KCNT2: variants seen among roughly 807,000 people sequenced by gnomAD.
KCNT2 encodes potassium channel subfamily T member 2.
In KCNT2, 67 loss-of-function variants were observed where a neutral mutation model predicts 153.8. The ratio of observed to expected loss-of-function variants is 0.44; its 90% CI spans 0.36 to 0.53. KCNT2 has a LOEUF of 0.53. Among genes scored for constraint, KCNT2 ranks in the 20% least tolerant of loss-of-function variants. KCNT2 has a pLI of 0.00. For missense variants in KCNT2, 975 were observed against 1,354.8 expected, an observed-to-expected ratio of 0.72 and a Z score of 4.40; for synonymous variants, 500 against 458.8, an observed-to-expected ratio of 1.09 and a Z score of -1.15.
intron 8 of KCNT2, among the ~76,000 whole-genome samples, chr1:196,458,511 A>G (rs1410444843): frequency 9.2e-5 from 14 of 151,948 alleles, no homozygotes; most frequent in Admixed American, 9.2e-4. Context: ...CTCTTATGTT[A>G]CCCTCTCAAA....
chr1:196,535,778 T>G (rs1172448168), intron 1 of KCNT2, among the ~76,000 whole-genome samples: 1 of 152,220 alleles, frequency 6.6e-6, no homozygotes, highest in Non-Finnish European at 1.5e-5. Flanking sequence ...ATATGTACAG[T>G]GTCAGCATGG....
At chr1:196,281,910 C>T (rs2147872199) in intron 24 of KCNT2, among the ~76,000 whole-genome samples, 1 of 151,920 alleles carries the variant, frequency 6.6e-6, no homozygotes, top group South Asian at 2.1e-4. Flanking sequence ...CCACCACACC[C>T]AGCTAATTTT....
intron 8 of KCNT2, among the ~76,000 whole-genome samples, chr1:196,439,656 A>G (rs745403728): frequency 5.9e-5 from 9 of 151,992 alleles, no homozygotes; most frequent in Non-Finnish European, 1.2e-4. Flanking sequence ...CCTTTTGGGC[A>G]TGCTGAATTT....
intron 5 of KCNT2, among the ~76,000 whole-genome samples, chr1:196,476,589 C>A (rs1166610132): frequency 6.6e-6 from 1 of 151,984 alleles, no homozygotes; most frequent in African/African-American, 2.4e-5. Context: ...TCTTTCATTT[C>A]TCTTCTCTAG....
intron 13 of KCNT2, among the ~76,000 whole-genome samples, chr1:196,383,597 G>T (rs533204065): frequency 2.6e-5 from 4 of 152,114 alleles, no homozygotes; most frequent in Non-Finnish European, 5.9e-5. Flanking sequence ...TACTTTATGG[G>T]CTGAACAGTA....
At chr1:196,289,591 CG>C (rs1660000348) in intron 22 of KCNT2, among the ~76,000 whole-genome samples, 1 of 152,100 alleles carries the variant, frequency 6.6e-6, no homozygotes, top group East Asian at 1.9e-4. Context: ...AACAAACGTT[CG>C]AGGTTCACTC....
rs1379096656 is a variant in KCNT2, at chr1:196,606,207, A to C, written c.95+2008T>G. Reference sequence around the variant, plus strand: ...GTAGACAGTATAATTCCCATTATAAAAAATAATATTGCTGAATCTCATAAT... The same window carrying C: ...GTAGACAGTATAATTCCCATTATAACAAATAATATTGCTGAATCTCATAAT... On this transcript the variant is annotated intron_variant, in intron 1 of 27. Transcript: ENST00000294725. 2.0e-5 allele frequency among the ~76,000 whole-genome samples: 3 copies of C among 152,274 alleles called. No homozygotes were observed. In the East Asian group the frequency reaches 5.8e-4, roughly 29 times the overall value.
chr1:196,313,517 T>C (rs1419958209), intron 21 of KCNT2, among the ~76,000 whole-genome samples: 2 of 151,582 alleles, frequency 1.3e-5, no homozygotes, highest in Admixed American at 6.6e-5. Flanking sequence ...TAACCACATC[T>C]GTAAAATGCA....
At chr1:196,595,331 T>C (rs566934846) in intron 1 of KCNT2, among the ~76,000 whole-genome samples, 67 of 152,200 alleles carry the variant, frequency 4.4e-4, no homozygotes, top group African/African-American at 1.6e-3. Flanking sequence ...ATAATGGTGA[T>C]AGACAAATTA....
chr1:196,492,546 A>C (rs987494569), intron 1 of KCNT2, among the ~76,000 whole-genome samples: 2 of 152,148 alleles, frequency 1.3e-5, no homozygotes, highest in African/African-American at 4.8e-5. Flanking sequence ...ACTGATTTAG[A>C]GAGAAGCAAT....
intron 1 of KCNT2, among the ~76,000 whole-genome samples, chr1:196,596,052 A>ATGTG (rs539625001): frequency 1.0e-4 from 1 of 9,804 alleles, no homozygotes; most frequent in African/African-American, 1.2e-4. Flanking sequence ...GTATTCCATG[A>ATGTG]TGTGTATATA....
chr1:196,271,007 T>C (rs904367645), intron 25 of KCNT2, among the ~76,000 whole-genome samples: 1 of 151,476 alleles, frequency 6.6e-6, no homozygotes, highest in South Asian at 2.1e-4. Flanking sequence ...TCCCCAACCA[T>C]ACACAAAAGA....
intron 1 of KCNT2, among the ~76,000 whole-genome samples, chr1:196,573,800 G>GT (rs1259584934): frequency 6.6e-6 from 1 of 151,902 alleles, no homozygotes; most frequent in African/African-American, 2.4e-5. Context: ...GATATAAAAT[G>GT]TTTTTTCCAC....
intron 1 of KCNT2, among the ~76,000 whole-genome samples, chr1:196,514,867 T>C (rs568011445): frequency 6.6e-6 from 1 of 152,312 alleles, no homozygotes; most frequent in East Asian, 1.9e-4. Flanking sequence ...TACCTTAACA[T>C]GGAGGTACCT....
intron 13 of KCNT2, among the ~76,000 whole-genome samples, chr1:196,383,454 T>C (rs1043787978): frequency 6.6e-6 from 1 of 152,164 alleles, no homozygotes; most frequent in Non-Finnish European, 1.5e-5. Flanking sequence ...TTGATAAAAG[T>C]CTGTGGAATG....
intron 1 of KCNT2, among the ~76,000 whole-genome samples, chr1:196,542,661 G>A (rs191492779): frequency 2.6e-5 from 4 of 152,188 alleles, no homozygotes; most frequent in Non-Finnish European, 4.4e-5. Context: ...CTTGGGAGGT[G>A]TTTTTAGGTC....
intron 10 of KCNT2, among the ~76,000 whole-genome samples, chr1:196,427,618 C>T (rs4480301): frequency 0.02 from 3,026 of 152,028 alleles, 100 homozygotes; most frequent in African/African-American, 0.069. Flanking sequence ...TATTGCTATA[C>T]ATATAGGATA....
At chr1:196,302,099 G>A (rs1373983423) in intron 22 of KCNT2, among the ~76,000 whole-genome samples, 1 of 152,074 alleles carries the variant, frequency 6.6e-6, no homozygotes, top group Non-Finnish European at 1.5e-5. Context: ...AAGGTGCAAG[G>A]GCATCTACTT....
intron 21 of KCNT2, among the ~76,000 whole-genome samples, chr1:196,305,558 G>T (rs756814795): frequency 2.0e-5 from 3 of 151,978 alleles, no homozygotes; most frequent in Middle Eastern, 3.2e-3. Context: ...AGCACAATAA[G>T]AAAAATAAAT....
Sources: gnomAD v4.1 joint callset for allele counts (sites outside exome capture counted in the v4.1 genomes callset) on GRCh38, gnomAD v4.1.1 for gene constraint, MANE v1.5 for transcripts, NCBI Gene and HGNC (gene_info 2026-07-23, HGNC 2026-07-21) for gene names.